Variants in ZNF385D observed in about 807,000 individuals in gnomAD.
ZNF385D encodes the protein zinc finger protein 385D.
In ZNF385D, 15 loss-of-function variants were observed where a neutral mutation model predicts 35.8. That is an observed-to-expected ratio of 0.42 (90% CI 0.28 to 0.64). The LOEUF (loss-of-function observed/expected upper bound fraction) is 0.64. ZNF385D is among the 30% of genes least tolerant of loss of function. ZNF385D has a pLI of 0.23. For missense variants in ZNF385D, 474 were observed against 494.6 expected (o/e 0.96, Z 0.39); for synonymous variants, 212 against 186.8 (o/e 1.13, Z -1.10).
chr3:21,862,971 C>T (rs1344525933), intron 3 of ZNF385D, among the ~76,000 whole-genome samples: 3 of 152,126 alleles, frequency 2.0e-5, no homozygotes, highest in Non-Finnish European at 4.4e-5. Context: ...AGTCCACTTA[C>T]CCCTCCTTTT....
intron 3 of ZNF385D, among the ~76,000 whole-genome samples, chr3:21,855,410 G>A (rs1696653336): frequency 6.6e-6 from 1 of 152,006 alleles, no homozygotes; most frequent in Non-Finnish European, 1.5e-5. Context: ...TCTTCATGGA[G>A]ATAAGGTATT....
At chr3:22,169,480 T>C (rs1011494810) in intron 2 of ZNF385D, among the ~76,000 whole-genome samples, 2 of 152,214 alleles carry the variant, frequency 1.3e-5, no homozygotes, top group Non-Finnish European at 2.9e-5. Flanking sequence ...AATTAGATTA[T>C]TTTGTTTTAA....
chr3:22,303,500 G>A (rs944659621), intron 2 of ZNF385D, among the ~76,000 whole-genome samples: 4 of 152,070 alleles, frequency 2.6e-5, no homozygotes, highest in African/African-American at 9.7e-5. Flanking sequence ...TTTAGTTTAT[G>A]AGGATTTTAC....
chr3:21,777,830 A>C (rs1332756001), intron 3 of ZNF385D: 1 of 151,868 alleles, frequency 6.6e-6, no homozygotes, highest in African/African-American at 2.4e-5. Context: ...TCACGATGAG[A>C]AAAACCTACC....
At chr3:21,942,685 A>C (rs907470791) in intron 3 of ZNF385D, 5 of 152,236 alleles carry the variant, frequency 3.3e-5, no homozygotes, top group African/African-American at 1.2e-4. Context: ...CAGCTGTATC[A>C]ATGGTTATTC....
At chr3:21,756,947 C>T (rs542764168) in intron 3 of ZNF385D, among the ~76,000 whole-genome samples, 1 of 152,002 alleles carries the variant, frequency 6.6e-6, no homozygotes, top group Non-Finnish European at 1.5e-5. Context: ...AATTTTATGA[C>T]CAAATTCTTA....
At chr3:21,611,024 A>G (rs901549246) in intron 2 of ZNF385D, among the ~76,000 whole-genome samples, 3 of 152,180 alleles carry the variant, frequency 2.0e-5, no homozygotes, top group South Asian at 2.1e-4. Flanking sequence ...ACCCTTTTCT[A>G]TAAGCAACTT....
At chr3:22,067,622 A>T (rs1195200382) in intron 3 of ZNF385D, among the ~76,000 whole-genome samples, 1 of 152,224 alleles carries the variant, frequency 6.6e-6, no homozygotes, top group African/African-American at 2.4e-5. Flanking sequence ...CAGCTGATGT[A>T]TGTTATTATA....
intron 3 of ZNF385D, among the ~76,000 whole-genome samples, chr3:21,793,234 C>T (rs1232747128): frequency 1.3e-5 from 2 of 152,190 alleles, no homozygotes; most frequent in Non-Finnish European, 2.9e-5. Context: ...CTGAAGCACT[C>T]TATGCTTTGG....
intron 3 of ZNF385D, among the ~76,000 whole-genome samples, chr3:22,096,038 T>G (rs1701603405): frequency 1.3e-5 from 2 of 151,866 alleles, no homozygotes; most frequent in Admixed American, 1.3e-4. Flanking sequence ...ATAAAGAATT[T>G]GAAGGAGAGA....
At chr3:22,360,499 G>C (rs1696362853) in intron 2 of ZNF385D, among the ~76,000 whole-genome samples, 1 of 151,826 alleles carries the variant, frequency 6.6e-6, no homozygotes, top group Admixed American at 6.6e-5. Context: ...TATACTCGAG[G>C]ATAATCATCC....
intron 3 of ZNF385D, among the ~76,000 whole-genome samples, chr3:21,784,428 A>G: frequency 6.6e-6 from 1 of 152,234 alleles, no homozygotes; most frequent in East Asian, 1.9e-4. Context: ...TAAGTGTGTT[A>G]ATATATAGAT....
At chr3:22,105,983 ATTACT>A (rs968706044) in intron 3 of ZNF385D, among the ~76,000 whole-genome samples, 3 of 152,274 alleles carry the variant, frequency 2.0e-5, no homozygotes, top group East Asian at 1.9e-4. Flanking sequence ...TAACTTTCAT[ATTACT>A]TTAATCATAA....
At chr3:22,008,657 G>A (rs560655126) in intron 3 of ZNF385D, among the ~76,000 whole-genome samples, 4 of 151,888 alleles carry the variant, frequency 2.6e-5, no homozygotes, top group African/African-American at 4.8e-5. Flanking sequence ...CGCCCAGCCC[G>A]GGCCATGCTT....
At chr3:21,822,861 A>C (rs973765513) in intron 3 of ZNF385D, among the ~76,000 whole-genome samples, 1 of 152,210 alleles carries the variant, frequency 6.6e-6, no homozygotes, top group African/African-American at 2.4e-5. Flanking sequence ...TTATATAAAG[A>C]TCAACAGCAA....
At chr3:21,998,920 G>GAA (rs1695661291) in intron 3 of ZNF385D, among the ~76,000 whole-genome samples, 1 of 152,042 alleles carries the variant, frequency 6.6e-6, no homozygotes, top group Non-Finnish European at 1.5e-5. Flanking sequence ...TTATATTAAA[G>GAA]CAGAAATTTT....
intron 3 of ZNF385D, among the ~76,000 whole-genome samples, chr3:22,032,896 T>G (rs181568632): frequency 9.9e-4 from 150 of 152,278 alleles, no homozygotes; most frequent in African/African-American, 3.2e-3. Flanking sequence ...TTGAGAGTAC[T>G]GAGGCACAGA....
At chr3:21,808,910 C>T (rs900115484) in intron 3 of ZNF385D, among the ~76,000 whole-genome samples, 2 of 152,134 alleles carry the variant, frequency 1.3e-5, no homozygotes, top group African/African-American at 4.8e-5. Context: ...ACCACAAAGA[C>T]TTTGAAAACT....
intron 2 of ZNF385D, among the ~76,000 whole-genome samples, chr3:22,257,989 TG>T (rs1228607133): frequency 6.6e-6 from 1 of 151,850 alleles, no homozygotes; most frequent in African/African-American, 2.4e-5. Flanking sequence ...CAACAATATT[TG>T]ATAGTAAAAT....
Sources: allele counts gnomAD v4.1 joint callset (sites outside exome capture counted in the v4.1 genomes callset), GRCh38; gene constraint gnomAD v4.1.1; transcripts MANE v1.5; gene names NCBI Gene and HGNC (gene_info 2026-07-23, HGNC 2026-07-21).